The following MECOM variants were observed in gnomAD, a reference collection of about 807,000 sequenced individuals.
The protein encoded by MECOM is MDS1 and EVI1 complex locus, also known as histone-lysine N-methyltransferase MECOM.
Under a neutral mutation model 116.3 loss-of-function variants are expected in MECOM, and 13 were observed. The ratio of observed to expected loss-of-function variants is 0.11; its 90% CI spans 0.07 to 0.18. The LOEUF is 0.18. MECOM is among the 10% of genes least tolerant of loss of function. The probability of loss-of-function intolerance (pLI) is 1.00; values close to 1 mark genes in which losing one functional copy is unlikely to be tolerated. For missense variants in MECOM, 1,299 were observed against 1,509.0 expected, an observed-to-expected ratio of 0.86 and a Z score of 2.31; for synonymous variants, 528 against 535.2, an observed-to-expected ratio of 0.99 and a Z score of 0.19.
intron 1 of MECOM, among the ~76,000 whole-genome samples, chr3:169,632,218 ATGTT>A (rs67113247): frequency 0.55 from 83,594 of 151,144 alleles, 23,143 homozygotes; most frequent in East Asian, 0.66. Flanking sequence ...TTCAAAACAC[ATGTT>A]TTTTCAAAAT....
chr3:169,321,461 G>C (rs77728560), intron 2 of MECOM, among the ~76,000 whole-genome samples: 1 of 151,978 alleles, frequency 6.6e-6, no homozygotes, highest in Non-Finnish European at 1.5e-5. Flanking sequence ...AATCACTTGA[G>C]CCCGGGAAGG....
At chr3:169,651,892 G>A (rs1184353268) in intron 1 of MECOM, among the ~76,000 whole-genome samples, 2 of 152,122 alleles carry the variant, frequency 1.3e-5, no homozygotes, top group African/African-American at 4.8e-5. Flanking sequence ...ACTAAAGGAT[G>A]AATGGTGGTC....
chr3:169,420,256 T>C (rs1485250667), intron 1 of MECOM, among the ~76,000 whole-genome samples: 1 of 152,084 alleles, frequency 6.6e-6, no homozygotes, highest in Non-Finnish European at 1.5e-5. Context: ...TTGGGCAAGA[T>C]CAGCAGTTTT....
intron 2 of MECOM, among the ~76,000 whole-genome samples, chr3:169,307,998 C>T (rs1364818105): frequency 6.6e-6 from 1 of 152,196 alleles, no homozygotes; most frequent in African/African-American, 2.4e-5. Context: ...AGTATTTACC[C>T]ACACTATTTA....
At chr3:169,413,133 CT>C (rs1465680908) in intron 1 of MECOM, among the ~76,000 whole-genome samples, 2 of 152,224 alleles carry the variant, frequency 1.3e-5, no homozygotes, top group East Asian at 3.8e-4. Flanking sequence ...CAGGTGATTT[CT>C]GCATTTCCAA....
chr3:169,119,872 C>T (rs1730417009), intron 7 of MECOM, among the ~76,000 whole-genome samples: 1 of 151,946 alleles, frequency 6.6e-6, no homozygotes, highest in Non-Finnish European at 1.5e-5. Flanking sequence ...TCCTCTTCAC[C>T]CGGGGAACAG....
chr3:169,395,644 A>C (rs535235610), intron 1 of MECOM, among the ~76,000 whole-genome samples: 1 of 152,330 alleles, frequency 6.6e-6, no homozygotes, highest in African/African-American at 2.4e-5. Context: ...AAAGGAATAA[A>C]AAACAAACAA....
intron 1 of MECOM, among the ~76,000 whole-genome samples, chr3:169,382,036 T>C (rs759129490): frequency 7.2e-5 from 11 of 152,192 alleles, no homozygotes; most frequent in Non-Finnish European, 1.2e-4. Context: ...ATTGGAATAT[T>C]AGTGTTTTTT....
At chr3:169,116,960 A>G (rs1347126308) in intron 7 of MECOM, among the ~76,000 whole-genome samples, 1 of 152,158 alleles carries the variant, frequency 6.6e-6, no homozygotes, top group African/African-American at 2.4e-5. Context: ...AATATTTCAT[A>G]TATATAGATA....
chr3:169,598,762 G>A (rs1438237656), intron 1 of MECOM, among the ~76,000 whole-genome samples: 1 of 152,170 alleles, frequency 6.6e-6, no homozygotes, highest in East Asian at 1.9e-4. Flanking sequence ...ATCATCATGA[G>A]TTGCTAGATC....
Position 169,396,905 on chromosome 3 carries a change from G to A in MECOM, c.38-15381C>T, listed in dbSNP as rs138047907. On this transcript the variant is annotated intron_variant, in intron 1 of 16. Coordinates refer to ENST00000651503, the MANE Select transcript of MECOM (RefSeq NM_004991.4). Reference sequence around the variant, plus strand: ...GGAGAATTGCATGAACCCAGGAGGCGCATGTTGCAGTGAGCAGAGATCAAG... The same window carrying A: ...GGAGAATTGCATGAACCCAGGAGGCACATGTTGCAGTGAGCAGAGATCAAG... Among the ~76,000 whole-genome samples, 319 of 152,192 alleles carry A rather than the reference G, an allele frequency of 2.1e-3. No individual in the cohort carries two copies. The Middle Eastern group carries it at 0.027, about 13-fold the overall frequency.
intron 1 of MECOM, among the ~76,000 whole-genome samples, chr3:169,573,737 T>C (rs1299771177): frequency 1.1e-4 from 17 of 152,334 alleles, no homozygotes; most frequent in Admixed American, 2.0e-4. Context: ...CAGAATCTTT[T>C]GAACTAATAA....
At chr3:169,565,882 C>T (rs190282351) in intron 1 of MECOM, 271 of 417,194 alleles carry the variant, frequency 6.5e-4, no homozygotes, top group African/African-American at 5.3e-3. Flanking sequence ...CCACTGGTAA[C>T]CTGGTGGATC....
chr3:169,108,165 A>C (rs1726076494), intron 9 of MECOM, among the ~76,000 whole-genome samples: 1 of 152,186 alleles, frequency 6.6e-6, no homozygotes, highest in South Asian at 2.1e-4. Flanking sequence ...GTTTGAATCA[A>C]GGTTAATTTC....
chr3:169,296,685 AG>A (rs1715669176), intron 2 of MECOM, among the ~76,000 whole-genome samples: 1 of 152,204 alleles, frequency 6.6e-6, no homozygotes, highest in East Asian at 1.9e-4. Context: ...ATAGTAATAA[AG>A]GAGTGAGGAA....
At chr3:169,661,600 G>A (rs1386441752) in intron 1 of MECOM, among the ~76,000 whole-genome samples, 1 of 152,176 alleles carries the variant, frequency 6.6e-6, no homozygotes, top group Admixed American at 6.5e-5. Flanking sequence ...ACGAGTGCTT[G>A]GGTGAGGACT....
intron 1 of MECOM, among the ~76,000 whole-genome samples, chr3:169,417,822 T>C (rs560595654): frequency 1.1e-4 from 17 of 151,898 alleles, no homozygotes; most frequent in East Asian, 7.7e-4. Flanking sequence ...ACGGATGAAA[T>C]TGGAAATCAT....
chr3:169,413,936 G>A (rs1346097576), intron 1 of MECOM, among the ~76,000 whole-genome samples: 1 of 152,198 alleles, frequency 6.6e-6, no homozygotes, highest in African/African-American at 2.4e-5. Flanking sequence ...GAGAACCTGG[G>A]GGAAGGGGCG....
intron 1 of MECOM, among the ~76,000 whole-genome samples, chr3:169,472,496 AG>A (rs1210484680): frequency 7.4e-4 from 64 of 86,686 alleles, no homozygotes; most frequent in African/African-American, 3.0e-3. Context: ...AGGAAAGGAA[AG>A]GAAAGGAAAG....
Sources: allele counts gnomAD v4.1 joint callset (sites outside exome capture counted in the v4.1 genomes callset), GRCh38; gene constraint gnomAD v4.1.1; transcripts MANE v1.5; gene names NCBI Gene and HGNC (gene_info 2026-07-23, HGNC 2026-07-21).